The following RILPL2 variants were observed in gnomAD, a reference collection of about 807,000 sequenced individuals.
The protein encoded by RILPL2 is Rab interacting lysosomal protein like 2.
Under a neutral mutation model 22.2 loss-of-function variants are expected in RILPL2, and 19 were observed. That is an observed-to-expected ratio of 0.86 (90% CI 0.60 to 1.25). The LOEUF (loss-of-function observed/expected upper bound fraction) is 1.25, where lower values mean the gene tolerates loss of function less well. Ranked by LOEUF, RILPL2 falls within the 50% of genes most tolerant of loss-of-function variation. The pLI, the probability that RILPL2 is intolerant of heterozygous loss-of-function variation, is 0.00. For synonymous variants in RILPL2, 123 were observed against 111.6 expected (o/e 1.10, Z -0.64); for missense variants, 243 against 263.6 (o/e 0.92, Z 0.54).
chr12:123,410,420 G>GTT (rs1878937972), downstream of RILPL2, among the ~76,000 whole-genome samples: 7 of 152,262 alleles, frequency 4.6e-5, no homozygotes, highest in South Asian at 1.5e-3. Flanking sequence ...AGTTTTAAGT[G>GTT]TTTGTCAGCC....
chr12:123,436,544 G>C lies in RILPL2; in HGVS notation c.-124C>G, dbSNP rs1879810619. The C allele has an allele frequency of 1.4e-6, 2 of 1,425,700 alleles. No individual in the cohort carries two copies. The highest frequency in any genetic ancestry group is 2.7e-5 in the Admixed American group (1 of 37,658). 88.3% of individuals were successfully genotyped at this position (1,425,700 alleles called of 1,614,324 possible). On this transcript the variant is annotated 5_prime_UTR_variant, in exon 1 of 4. Transcript: ENST00000280571. The surrounding 1 kb of genome is among the most constrained non-coding windows in gnomAD (Gnocchi z 6.7). ...CCTACCTGCCCAATCAGCGCGGCCC[G>C]GGGGTGGGCCCGGGGGGATGGTGCA...
chr12:123,410,745 C>T (rs1291809224), downstream of RILPL2: 2 of 151,822 alleles, frequency 1.3e-5, no homozygotes, highest in African/African-American at 4.8e-5. Flanking sequence ...TGGAACAGTG[C>T]CTTGCACATA....
At chr12:123,415,968 C>G (rs1879106061) in intron 3 of RILPL2, 47 bp from the exon 4 acceptor site, 1 of 1,599,530 alleles carries the variant, frequency 6.3e-7, no homozygotes, top group East Asian at 2.2e-5. Context: ...AGGAACAAAG[C>G]AAGGGGCACA....
intron 2 of RILPL2, among the ~76,000 whole-genome samples, chr12:123,425,619 A>C (rs567643462): frequency 6.6e-6 from 1 of 152,014 alleles, no homozygotes; most frequent in East Asian, 1.9e-4. Flanking sequence ...CTTCTTCATA[A>C]AAGAGTTTTG....
At chr12:123,418,690 G>GA (rs1173199678) in intron 3 of RILPL2, among the ~76,000 whole-genome samples, 1 of 148,810 alleles carries the variant, frequency 6.7e-6, no homozygotes, top group Non-Finnish European at 1.5e-5. Context: ...AGGAACTTTT[G>GA]AAAAAAATCC....
chr12:123,434,956 C>G (rs1159325888), intron 1 of RILPL2, among the ~76,000 whole-genome samples: 1 of 151,126 alleles, frequency 6.6e-6, no homozygotes, highest in African/African-American at 2.4e-5. Flanking sequence ...GGGTGGGTCA[C>G]TTGAGGCCAG....
chr12:123,423,381 T>C (rs1879344796), intron 2 of RILPL2, among the ~76,000 whole-genome samples: 1 of 151,678 alleles, frequency 6.6e-6, no homozygotes, highest in Non-Finnish European at 1.5e-5. Context: ...TTTGTATTTT[T>C]AGTAGAGATG....
rs540344853 is a variant in RILPL2 at position 123,428,288 on chromosome 12, C to T, written c.491+2220G>A. Among the ~76,000 whole-genome samples the T allele has an allele frequency of 5.4e-4, 83 of 152,306 alleles. 1 individual carries two copies. The highest frequency in any genetic ancestry group is 1.8e-3 in the African/African-American group (75 of 41,566). ...AGTAGCTGGGACTACAGGCGCCCGC[C>T]ACCACGCCTGGCTAATTTTTTGTAT... On this transcript the variant is annotated intron_variant, in intron 2 of 3. Transcript: ENST00000280571.
At position 123,436,127 on chromosome 12, in the gene RILPL2, C is replaced by T. The variant is rs1186504889; in HGVS notation, c.294G>A (p.Lys98=). Residue 98 remains lysine (K), a synonymous_variant, in exon 1 of 4, where the codon AAG becomes AAA. Transcript: ENST00000280571. The surrounding 1 kb of genome is among the most constrained non-coding windows in gnomAD (Gnocchi z 6.7). ...TCTGTCTCCGCAGCCCCTCCACCTC[C>T]TTCCTGAGGTGGTCCCTCTCCATCT... is the stretch of plus-strand genomic sequence containing the variant. ...ELKMERDHLR[K]EVEGLRRQSP... is the part of the protein sequence containing the mutation. 6.3e-7 allele frequency: 1 copy of T among 1,594,800 alleles called. No homozygotes were observed. The highest frequency in any genetic ancestry group is 2.3e-5 in the East Asian group (1 of 43,490).
chr12:123,416,254 G>A (rs1444434292), intron 3 of RILPL2, among the ~76,000 whole-genome samples: 1 of 152,064 alleles, frequency 6.6e-6, no homozygotes, highest in Admixed American at 6.6e-5. Flanking sequence ...AACCCGGGAC[G>A]CAGAGGTTGC....
At chr12:123,413,033 C>CA (rs1555258797), downstream of RILPL2, 3 of 147,232 alleles carry the variant, frequency 2.0e-5, no homozygotes, top group African/African-American at 7.3e-5. Flanking sequence ...CCCGTCTCTA[C>CA]AAAAATACAA....
intron 1 of RILPL2, among the ~76,000 whole-genome samples, chr12:123,435,129 G>A (rs1283845661): frequency 6.6e-6 from 1 of 151,576 alleles, no homozygotes; most frequent in Non-Finnish European, 1.5e-5. Flanking sequence ...GCAGTGAGTC[G>A]AGGTCACGCC....
chr12:123,418,141 G>T (rs543632348), intron 3 of RILPL2, among the ~76,000 whole-genome samples: 3 of 151,376 alleles, frequency 2.0e-5, no homozygotes, highest in African/African-American at 7.3e-5. Flanking sequence ...TCTCTATGTT[G>T]CCCAGGCTAG....
chr12:123,418,688 T>C lies in RILPL2; in HGVS notation c.606-2767A>G, dbSNP rs189282465. Among the ~76,000 whole-genome samples, 5 of 152,078 alleles carry C rather than the reference T, an allele frequency of 3.3e-5. No homozygotes were observed. In the East Asian group the frequency reaches 7.7e-4, roughly 23 times the overall value. On this transcript the variant is annotated intron_variant, in intron 3 of 3. Transcript: ENST00000280571. Reference sequence around the variant, plus strand: ...CATATCAGTGTGGTCCAAGGAACTTTTGAAAAAAATCCAGATTTCTGAGCT... The same window carrying C: ...CATATCAGTGTGGTCCAAGGAACTTCTGAAAAAAATCCAGATTTCTGAGCT...
chr12:123,414,130 G>C (rs762480217), downstream of RILPL2: 1 of 152,738 alleles, frequency 6.5e-6, no homozygotes, highest in Non-Finnish European at 1.5e-5. Flanking sequence ...TCAACCCTTG[G>C]GTCGTTGATG....
chr12:123,419,216 T>TAGCCAGGATGGTC (rs1299984079), intron 3 of RILPL2, among the ~76,000 whole-genome samples: 1 of 149,866 alleles, frequency 6.7e-6, no homozygotes, highest in African/African-American at 2.5e-5. Flanking sequence ...TTCACCATGT[T>TAGCCAGGATGGTC]AGCCAGGATG....
At chr12:123,429,067 G>A (rs1879521972) in intron 2 of RILPL2, among the ~76,000 whole-genome samples, 1 of 152,084 alleles carries the variant, frequency 6.6e-6, no homozygotes, top group South Asian at 2.1e-4. Context: ...ACGTGATTAT[G>A]GCAACAGCTT....
At position 123,429,918 on chromosome 12, in the gene RILPL2, C is replaced by T. The variant is rs146428668; in HGVS notation, c.491+590G>A. The stretch of plus-strand genomic sequence containing the variant: ...ATCACTTGAGCCCAAGAGTTTGACA[C>T]TAACCTGGGCAACATGGCGAGACCC... On this transcript the variant is annotated intron_variant, in intron 2 of 3. Coordinates refer to ENST00000280571, the MANE Select transcript of RILPL2 (RefSeq NM_145058.3). 8.6e-5 allele frequency among the ~76,000 whole-genome samples: 13 copies of T among 151,282 alleles called. No homozygotes were observed. In the East Asian group the frequency reaches 2.6e-3, roughly 30 times the overall value.
At chr12:123,433,027 AG>A (rs1184731922) in intron 1 of RILPL2, among the ~76,000 whole-genome samples, 8 of 152,098 alleles carry the variant, frequency 5.3e-5, no homozygotes, top group Non-Finnish European at 1.2e-4. Context: ...GGGAAGCTAC[AG>A]GGAAACTTCA....
Sources: gnomAD v4.1 joint callset for allele counts (sites outside exome capture counted in the v4.1 genomes callset) on GRCh38, gnomAD v4.1.1 for gene constraint, Gnocchi (gnomAD v3.1) non-coding constraint, MANE v1.5 for transcripts, NCBI Gene and HGNC (gene_info 2026-07-23, HGNC 2026-07-21) for gene names.